The following LINGO2 variants were observed in gnomAD, a reference collection of about 807,000 sequenced individuals.
LINGO2 encodes the protein leucine-rich repeat and immunoglobulin-like domain-containing nogo receptor-interacting protein 2.
Under a neutral mutation model 30.6 loss-of-function variants are expected in LINGO2, and 14 were observed. That is an observed-to-expected ratio of 0.46 (90% CI 0.30 to 0.72). The LOEUF is 0.72. Ranked by LOEUF, LINGO2 falls within the 30% of genes least tolerant of loss-of-function variation. The probability of loss-of-function intolerance (pLI) is 0.07; values close to 1 mark genes in which losing one functional copy is unlikely to be tolerated. For synonymous variants in LINGO2, 317 were observed against 288.5 expected, an observed-to-expected ratio of 1.10 and a Z score of -1.00; for missense variants, 729 against 751.7, an observed-to-expected ratio of 0.97 and a Z score of 0.35.
chr9:28,527,025 C>A (rs1821063529), intron 1 of LINGO2, among the ~76,000 whole-genome samples: 1 of 152,102 alleles, frequency 6.6e-6, no homozygotes, highest in South Asian at 2.1e-4. Flanking sequence ...TTAATTGACT[C>A]TAAATCACTC....
intron 1 of LINGO2, among the ~76,000 whole-genome samples, chr9:28,572,848 G>C (rs1464986371): frequency 1.3e-5 from 2 of 152,082 alleles, no homozygotes; most frequent in African/African-American, 4.8e-5. Flanking sequence ...AGGAACACTA[G>C]AAATTCACTG....
At chr9:28,460,328 T>G (rs1288337241) in intron 2 of LINGO2, among the ~76,000 whole-genome samples, 2 of 152,172 alleles carry the variant, frequency 1.3e-5, no homozygotes, top group East Asian at 3.9e-4. Context: ...GGAATCAAGC[T>G]TGCAAAATAA....
the LINGO2 span, among the ~76,000 whole-genome samples, chr9:29,026,222 T>A: frequency 6.6e-6 from 1 of 151,950 alleles, no homozygotes; most frequent in East Asian, 1.9e-4. Context: ...TCAGTAGATA[T>A]GAGGTCTTGA....
At chr9:29,063,649 C>T in the LINGO2 span, among the ~76,000 whole-genome samples, 1 of 152,020 alleles carries the variant, frequency 6.6e-6, no homozygotes, top group Non-Finnish European at 1.5e-5. Context: ...ATCTGCCTGC[C>T]TCCACCTCTG....
chr9:29,107,465 T>G, the LINGO2 span, among the ~76,000 whole-genome samples: 1 of 152,256 alleles, frequency 6.6e-6, no homozygotes, highest in East Asian at 1.9e-4. Flanking sequence ...CTCTTCAAAA[T>G]GTTTCTCTTC....
At chr9:29,162,068 C>T in the LINGO2 span, among the ~76,000 whole-genome samples, 2 of 151,962 alleles carry the variant, frequency 1.3e-5, no homozygotes, top group Admixed American at 6.6e-5. Flanking sequence ...TACAGGCACC[C>T]GCCATCACGC....
chr9:28,814,689 C>A, the LINGO2 span, among the ~76,000 whole-genome samples: 1 of 152,170 alleles, frequency 6.6e-6, no homozygotes, highest in African/African-American at 2.4e-5. Context: ...AGTTCGAGAC[C>A]AGCCTGGCCA....
chr9:28,707,025 A>G, the LINGO2 span, among the ~76,000 whole-genome samples: 1 of 152,132 alleles, frequency 6.6e-6, no homozygotes, highest in Non-Finnish European at 1.5e-5. Flanking sequence ...TTATAGATCT[A>G]TGTTCCCTTC....
chr9:28,300,864 G>A (rs1487372452), intron 3 of LINGO2, among the ~76,000 whole-genome samples: 1 of 150,520 alleles, frequency 6.6e-6, no homozygotes, highest in African/African-American at 2.5e-5. Flanking sequence ...GAGTAGAGGT[G>A]CAACCTACAT....
chr9:28,274,686 T>C (rs575292745), intron 4 of LINGO2, among the ~76,000 whole-genome samples: 3 of 152,288 alleles, frequency 2.0e-5, no homozygotes, highest in Admixed American at 2.0e-4. Flanking sequence ...AAGTTCCACA[T>C]AGACAAGTCA....
At chr9:27,985,267 G>A (rs1409010627) in intron 5 of LINGO2, among the ~76,000 whole-genome samples, 1 of 151,846 alleles carries the variant, frequency 6.6e-6, no homozygotes, top group Non-Finnish European at 1.5e-5. Flanking sequence ...TGAATCTGCT[G>A]TGATGTGAAA....
chr9:29,088,780 C>T, the LINGO2 span, among the ~76,000 whole-genome samples: 361 of 152,098 alleles, frequency 2.4e-3, 1 homozygote, highest in Non-Finnish European at 3.6e-3. Flanking sequence ...TTTTGGAATA[C>T]GCAATGCTCA....
exon 6 of LINGO2, chr9:27,949,956 T>C: frequency 6.2e-7 from 1 of 1,614,048 alleles, no homozygotes; most frequent in South Asian, 1.1e-5. Context: ...AGGCATCATA[T>C]CCAGTAAAGG....
chr9:27,955,652 T>A lies in LINGO2; in HGVS notation c.-35-4946A>T, dbSNP rs550121903. On this transcript the variant is annotated intron_variant, in intron 5 of 5. Transcript: ENST00000379992. ...AACAGTAGTTTGTTCTTTTTTTATG[T>A]CTGGTAGTATTGTTTTGTCACAACT... 4.8e-5 allele frequency among the ~76,000 whole-genome samples: 7 copies of A among 146,000 alleles called. No homozygotes were observed. In the South Asian group the frequency reaches 1.4e-3, roughly 29 times the overall value.
chr9:28,614,273 C>T (rs1419316385), intron 1 of LINGO2, among the ~76,000 whole-genome samples: 1 of 151,954 alleles, frequency 6.6e-6, no homozygotes, highest in Non-Finnish European at 1.5e-5. Flanking sequence ...GATATTAAAG[C>T]CAGACCTATG....
At chr9:28,304,892 G>A (rs1354704508) in intron 3 of LINGO2, among the ~76,000 whole-genome samples, 4 of 152,112 alleles carry the variant, frequency 2.6e-5, no homozygotes, top group Admixed American at 2.0e-4. Flanking sequence ...AGGTTATAAT[G>A]CCTCTAGTAA....
chr9:28,759,318 AAAG>A, the LINGO2 span, among the ~76,000 whole-genome samples: 3 of 152,188 alleles, frequency 2.0e-5, no homozygotes, highest in South Asian at 2.1e-4. Context: ...TATAGAAAGT[AAAG>A]AAGATTTGAA....
At chr9:28,823,144 T>C in the LINGO2 span, among the ~76,000 whole-genome samples, 2 of 152,164 alleles carry the variant, frequency 1.3e-5, no homozygotes, top group African/African-American at 4.8e-5. Context: ...TTTGGCTCTA[T>C]AAAACATGCT....
chr9:28,892,367 TGCTTTCAAA>T, the LINGO2 span, among the ~76,000 whole-genome samples: 1 of 152,010 alleles, frequency 6.6e-6, no homozygotes, highest in South Asian at 2.1e-4. Flanking sequence ...TATTGATTCA[TGCTTTCAAA>T]GATATTTGTT....
Sources: gnomAD v4.1 joint callset for allele counts (sites outside exome capture counted in the v4.1 genomes callset) on GRCh38, gnomAD v4.1.1 for gene constraint, MANE v1.5 for transcripts, NCBI Gene and HGNC (gene_info 2026-07-23, HGNC 2026-07-21) for gene names.